NAV3: variants seen among roughly 807,000 people sequenced by gnomAD.
The protein encoded by NAV3 is neuron navigator 3.
A neutral mutation model predicts 244.7 loss-of-function variants in NAV3; 87 were observed. That is an observed-to-expected ratio of 0.36 (90% CI 0.30 to 0.42). The LOEUF (loss-of-function observed/expected upper bound fraction) is 0.42, where lower values mean the gene tolerates loss of function less well. NAV3 is among the 20% of genes least tolerant of loss of function. NAV3 has a pLI of 1.00. For missense variants in NAV3, 2,663 were observed against 2,893.3 expected (o/e 0.92, Z 1.83); for synonymous variants, 1,126 against 1,042.2 (o/e 1.08, Z -1.55).
intron 2 of NAV3, among the ~76,000 whole-genome samples, chr12:77,696,729 A>G (rs1306637777): frequency 6.6e-6 from 1 of 152,186 alleles, no homozygotes; most frequent in Non-Finnish European, 1.5e-5. Context: ...CATTTGCTGA[A>G]TAAGTCAATA....
chr12:77,790,116 C>A (rs1046200449), intron 2 of NAV3, among the ~76,000 whole-genome samples: 7 of 152,196 alleles, frequency 4.6e-5, no homozygotes, highest in African/African-American at 1.7e-4. Context: ...TAATAAGCCT[C>A]TTACACTACC....
intron 2 of NAV3, among the ~76,000 whole-genome samples, chr12:77,593,631 C>CTT (rs566083715): frequency 8.4e-6 from 1 of 118,504 alleles, no homozygotes. Context: ...ATCCCAGCTA[C>CTT]TTTTTTTTTT....
At chr12:78,204,773 G>A (rs1310577326) in intron 38 of NAV3, among the ~76,000 whole-genome samples, 162 bp from the exon 39 acceptor site, 1 of 152,136 alleles carries the variant, frequency 6.6e-6, no homozygotes, top group Non-Finnish European at 1.5e-5. Context: ...TATGTAGACA[G>A]ATACATGTTT....
intron 12 of NAV3, among the ~76,000 whole-genome samples, chr12:78,086,166 A>C (rs1329242967): frequency 2.0e-5 from 3 of 152,118 alleles, no homozygotes; most frequent in Non-Finnish European, 4.4e-5. Flanking sequence ...AAATGTTCAG[A>C]TAGTTCCTGG....
intron 1 of NAV3, among the ~76,000 whole-genome samples, chr12:77,939,197 C>T (rs1035521359): frequency 6.6e-6 from 1 of 151,936 alleles, no homozygotes; most frequent in African/African-American, 2.4e-5. Flanking sequence ...TGCAACTTAC[C>T]TTTTCAGCCT....
intron 1 of NAV3, among the ~76,000 whole-genome samples, chr12:77,874,914 A>G (rs1565879983): frequency 6.6e-6 from 1 of 152,100 alleles, no homozygotes; most frequent in Non-Finnish European, 1.5e-5. Flanking sequence ...CTTTCATGAA[A>G]CGTGTACAGA....
intron 1 of NAV3, among the ~76,000 whole-genome samples, chr12:77,866,705 C>T (rs779180575): frequency 2.2e-4 from 33 of 152,062 alleles, no homozygotes; most frequent in African/African-American, 2.9e-4. Flanking sequence ...AATGGTATAT[C>T]GTAACTGTAT....
At chr12:78,109,273 A>G (rs1363145830) in intron 12 of NAV3, among the ~76,000 whole-genome samples, 1 of 152,116 alleles carries the variant, frequency 6.6e-6, no homozygotes, top group Non-Finnish European at 1.5e-5. Context: ...AAACCTGAAC[A>G]TATCAGTAAT....
chr12:77,589,400 C>T (rs912771378), intron 2 of NAV3, among the ~76,000 whole-genome samples: 6 of 152,012 alleles, frequency 3.9e-5, no homozygotes, highest in East Asian at 1.9e-4. Context: ...CTGTATTAGC[C>T]GTCTGTTCTC....
At chr12:78,167,238 C>T (rs1957816364) in intron 23 of NAV3, among the ~76,000 whole-genome samples, 1 of 151,688 alleles carries the variant, frequency 6.6e-6, no homozygotes, top group Admixed American at 6.6e-5. Flanking sequence ...TGGAAATTTC[C>T]CACAAATATT....
At chr12:77,855,685 C>T (rs1045621560) in intron 1 of NAV3, among the ~76,000 whole-genome samples, 6 of 152,218 alleles carry the variant, frequency 3.9e-5, no homozygotes, top group African/African-American at 1.4e-4. Context: ...CCACTTGCTG[C>T]TCGTGGGCAC....
In NAV3 at chr12:77,614,862, C is replaced by A. The variant is rs573878734; in HGVS notation, c.72+42596C>A. Among the ~76,000 whole-genome samples the A allele has an allele frequency of 2.0e-5, 3 of 152,292 alleles. No individual in the cohort carries two copies. The South Asian group carries it at 6.2e-4, about 32-fold the overall frequency. On this transcript the variant is annotated intron_variant, in intron 2 of 8. Coordinates refer to the NAV3 transcript ENST00000550042. ...GCATTATAGTGGATGTCATCATTAT[C>A]TTTATCAATAGTATTATCATCAAGG...
At chr12:78,150,900 G>T (rs1451142886) in intron 22 of NAV3, among the ~76,000 whole-genome samples, 1 of 151,884 alleles carries the variant, frequency 6.6e-6, no homozygotes, top group Non-Finnish European at 1.5e-5. Context: ...GGTGAAAACA[G>T]GTTCTTGCAT....
intron 23 of NAV3, among the ~76,000 whole-genome samples, chr12:78,165,210 A>G (rs1957727619): frequency 6.6e-6 from 1 of 152,008 alleles, no homozygotes; most frequent in Admixed American, 6.6e-5. Flanking sequence ...ATGAAATCTT[A>G]GTTTGGTTCT....
rs538675491 is a variant in NAV3 at position 77,650,267 on chromosome 12, G to A, written c.72+78001G>A. On this transcript the variant is annotated intron_variant, in intron 2 of 8. Transcript: ENST00000550042. ...TTGTTTTAATATCTTTAAAGAAGAA[G>A]CATGGGATGTTTTTGAGAGGTGCAA... 7.3e-3 allele frequency among the ~76,000 whole-genome samples: 1,108 copies of A among 152,250 alleles called. 17 individuals are homozygous for A. Among genetic ancestry groups the A allele is most frequent in the African/African-American group, 0.025 (1,056 of 41,554 alleles).
intron 2 of NAV3, among the ~76,000 whole-genome samples, chr12:77,767,335 C>T (rs900076438): frequency 6.6e-6 from 1 of 152,170 alleles, no homozygotes; most frequent in African/African-American, 2.4e-5. Flanking sequence ...TAGGGTGTCG[C>T]TTTTCCAGCT....
At position 77,754,913 on chromosome 12, in the gene NAV3, G is replaced by C. The variant is rs539168645; in HGVS notation, c.72+182647G>C. 2.0e-5 allele frequency among the ~76,000 whole-genome samples: 3 copies of C among 152,244 alleles called. No individual in the cohort carries two copies. The East Asian group carries it at 5.8e-4, about 29-fold the overall frequency. ...CAAGGACATAGTCAGGTAATGATTT[G>C]TGAAAGAAGAAAATAAACTTATAAT... On this transcript the variant is annotated intron_variant, in intron 2 of 8. Coordinates refer to the NAV3 transcript ENST00000550042.
At chr12:78,177,944 T>C (rs1407333525) in intron 28 of NAV3, among the ~76,000 whole-genome samples, 1 of 151,786 alleles carries the variant, frequency 6.6e-6, no homozygotes, top group Non-Finnish European at 1.5e-5. Flanking sequence ...CCACCAGGGG[T>C]ACTTTCCAAG....
intron 5 of NAV3, among the ~76,000 whole-genome samples, chr12:77,991,260 G>A (rs147570418): frequency 3.9e-5 from 6 of 152,096 alleles, no homozygotes; most frequent in East Asian, 3.9e-4. Context: ...TCCTGACCAC[G>A]TGATCTACCT....
Sources: gnomAD v4.1 joint callset for allele counts (sites outside exome capture counted in the v4.1 genomes callset) on GRCh38, gnomAD v4.1.1 for gene constraint, MANE v1.5 for transcripts, NCBI Gene and HGNC (gene_info 2026-07-23, HGNC 2026-07-21) for gene names.